Variants in KCNH8 observed in about 807,000 individuals in gnomAD.
KCNH8 encodes the protein potassium voltage-gated channel subfamily H member 8, also known as voltage-gated delayed rectifier potassium channel KCNH8.
A neutral mutation model predicts 103.6 loss-of-function variants in KCNH8; 70 were observed. The ratio of observed to expected loss-of-function variants is 0.68; its 90% CI spans 0.56 to 0.82. KCNH8 has a LOEUF of 0.82. Ranked by LOEUF, KCNH8 falls within the 40% of genes least tolerant of loss-of-function variation. The probability of loss-of-function intolerance (pLI) is 0.00; values close to 1 mark genes in which losing one functional copy is unlikely to be tolerated. For synonymous variants in KCNH8, 498 were observed against 489.4 expected, an observed-to-expected ratio of 1.02 and a Z score of -0.23; for missense variants, 1,217 against 1,329.9, an observed-to-expected ratio of 0.92 and a Z score of 1.32.
chr3:19,252,851 C>G (rs1374396393), intron 1 of KCNH8, among the ~76,000 whole-genome samples: 1 of 152,114 alleles, frequency 6.6e-6, no homozygotes, highest in Non-Finnish European at 1.5e-5. Flanking sequence ...CCAATATCAC[C>G]TAGACTCACC....
At chr3:19,263,470 G>A (rs528572316) in intron 2 of KCNH8, among the ~76,000 whole-genome samples, 4 of 152,056 alleles carry the variant, frequency 2.6e-5, no homozygotes, top group South Asian at 2.1e-4. Context: ...TGTTCAGTGG[G>A]GAAATGCACC....
intron 5 of KCNH8, among the ~76,000 whole-genome samples, chr3:19,357,617 T>C (rs1575553610): frequency 1.3e-5 from 2 of 152,044 alleles, no homozygotes; most frequent in South Asian, 2.1e-4. Context: ...TAAGAAGTGA[T>C]TTGCACATTC....
chr3:19,206,932 G>A (rs2063722729), intron 1 of KCNH8, among the ~76,000 whole-genome samples: 1 of 152,028 alleles, frequency 6.6e-6, no homozygotes, highest in African/African-American at 2.4e-5. Flanking sequence ...ACAAAGACAG[G>A]GAGACTGGAG....
At chr3:19,367,340 C>T (rs2066025499) in intron 5 of KCNH8, among the ~76,000 whole-genome samples, 1 of 149,572 alleles carries the variant, frequency 6.7e-6, no homozygotes. Context: ...TTATTTCCTT[C>T]CTCCATTCTT....
rs749848797 is a variant in KCNH8 at position 19,269,195 on chromosome 3, G to T, written c.311-12003G>T. ...AGATGAAAAAAATAACTTATAACTC[G>T]GACCATCTCAACCCATTGGCAATAT... On this transcript the variant is annotated intron_variant, in intron 2 of 15. Coordinates refer to ENST00000328405, the MANE Select transcript of KCNH8 (RefSeq NM_144633.3). Among the ~76,000 whole-genome samples the T allele has an allele frequency of 2.0e-5, 3 of 151,832 alleles. No individual in the cohort carries two copies. In the South Asian group the frequency reaches 6.3e-4, roughly 32 times the overall value.
At chr3:19,373,716 GATCTTTCCT>G (rs1348326503) in intron 5 of KCNH8, among the ~76,000 whole-genome samples, 2 of 151,162 alleles carry the variant, frequency 1.3e-5, no homozygotes, top group East Asian at 3.9e-4. Flanking sequence ...GTCAATTTTG[GATCTTTCCT>G]GCTTTCTCTT....
At chr3:19,196,303 G>A (rs1253427052) in intron 1 of KCNH8, among the ~76,000 whole-genome samples, 10 of 151,892 alleles carry the variant, frequency 6.6e-5, no homozygotes, top group Non-Finnish European at 1.0e-4. Context: ...AAAGGATTAG[G>A]TACTATTTAG....
chr3:19,347,891 T>C lies in KCNH8; in HGVS notation c.737T>C (p.Ile246Thr), dbSNP rs1388543398. 2 of 1,613,268 alleles carry C rather than the reference T, an allele frequency of 1.2e-6. No individual in the cohort carries two copies. The highest frequency in any genetic ancestry group is 1.3e-5 in the African/African-American group (1 of 74,882). The change falls in exon 5 of 16, where the codon ATT (isoleucine) becomes ACT (threonine). Residue 246 changes from isoleucine to threonine, a missense_variant. Ile to Thr is a moderately conservative substitution (Grantham distance 89). Around this residue, in one of 3 missense-constraint regions of KCNH8, gnomAD observed 415 missense variants for 577.4 expected, o/e 0.72. Coordinates refer to ENST00000328405, the MANE Select transcript of KCNH8 (RefSeq NM_144633.3). ...ACTGTACCTTACAACGTTTGCTTTA[T>C]TGGCAATGACGACCTGTCCACAACT... ...AVTVPYNVCF[I>T]GNDDLSTTRS...
chr3:19,495,597 G>A (rs1293085724), intron 11 of KCNH8, among the ~76,000 whole-genome samples: 2 of 152,072 alleles, frequency 1.3e-5, no homozygotes, highest in East Asian at 3.9e-4. Context: ...CTGCTATTTT[G>A]GTTACTGTAG....
Position 19,253,813 on chromosome 3 carries a change from T to C in KCNH8, c.236T>C (p.Leu79Pro), listed in dbSNP as rs1339159410. The stretch of plus-strand genomic sequence containing the variant: ...TTTGGGGTTGAAACCAATGAGCAAC[T>C]GATGCTTCAAATAGAAAAGTCACTG... ...FLFGVETNEQ[L>P]MLQIEKSLEE... The change falls in exon 2 of 16, where the codon CTG (leucine) becomes CCG (proline). Residue 79 changes from leucine to proline, a missense_variant. Leu to Pro is a moderately conservative substitution (Grantham distance 98). Transcript: ENST00000328405. 1.9e-5 allele frequency: 30 copies of C among 1,613,752 alleles called. No homozygotes were observed. Among genetic ancestry groups the C allele is most frequent in the Non-Finnish European group, 2.5e-5 (29 of 1,179,870 alleles).
At chr3:19,474,263 C>T (rs78037228) in intron 11 of KCNH8, among the ~76,000 whole-genome samples, 1 of 152,126 alleles carries the variant, frequency 6.6e-6, no homozygotes, top group African/African-American at 2.4e-5. Context: ...CCACAAAATT[C>T]CCCAAAAGGG....
intron 3 of KCNH8, among the ~76,000 whole-genome samples, chr3:19,339,550 G>C (rs143582175): frequency 1.3e-5 from 2 of 151,960 alleles, no homozygotes; most frequent in Non-Finnish European, 2.9e-5. Flanking sequence ...TTAACTTTTC[G>C]CAGTAACAAT....
intron 1 of KCNH8, among the ~76,000 whole-genome samples, chr3:19,214,810 C>T (rs879638956): frequency 2.6e-5 from 4 of 152,204 alleles, no homozygotes; most frequent in African/African-American, 4.8e-5. Flanking sequence ...CTCCAAATCT[C>T]GTGCTCTCTA....
Position 19,390,514 on chromosome 3 carries a change from G to A in KCNH8, c.845G>A (p.Ser282Asn). The change falls in exon 6 of 16, where the codon AGC becomes AAC. Residue 282 changes from serine (S) to asparagine (N), a missense_variant. Around this residue, in one of 3 missense-constraint regions of KCNH8, gnomAD observed 415 missense variants for 577.4 expected, o/e 0.72. Coordinates refer to ENST00000328405, the MANE Select transcript of KCNH8 (RefSeq NM_144633.3). ...TTAAATTTCCGAACAACTTATGTCA[G>A]CAAGTCTGGCCAAGTTATCTTTGAA... ...IILNFRTTYVSKSGQVIFEAR... is the reference protein window; with the variant it reads ...IILNFRTTYVNKSGQVIFEAR... The A allele has an allele frequency of 1.2e-6, 2 of 1,612,280 alleles. No homozygotes were observed. Among genetic ancestry groups the A allele is most frequent in the African/African-American group, 2.7e-5 (2 of 74,786 alleles).
chr3:19,451,229 C>T lies in KCNH8; in HGVS notation c.1650C>T (p.Ser550=). 6.2e-7 allele frequency: 1 copy of T among 1,613,884 alleles called. No individual in the cohort carries two copies. The change falls in exon 10 of 16, where the codon TCC becomes TCT. Residue 550 remains serine, a synonymous_variant. Coordinates refer to ENST00000328405, the MANE Select transcript of KCNH8 (RefSeq NM_144633.3). ...MHLNKEILQL[S]LFECASRGCL... is the part of the protein sequence containing the mutation. The stretch of plus-strand genomic sequence containing the variant: ...TGAACAAGGAGATCTTACAGTTGTC[C>T]CTTTTTGAATGTGCCAGCCGGGGCT...
intron 2 of KCNH8, among the ~76,000 whole-genome samples, chr3:19,279,483 T>C (rs1413745633): frequency 6.6e-6 from 1 of 151,922 alleles, no homozygotes; most frequent in East Asian, 1.9e-4. Flanking sequence ...TCCCAGGTCT[T>C]CTAGAGCCTG....
intron 11 of KCNH8, among the ~76,000 whole-genome samples, chr3:19,485,295 T>C (rs1332662549): frequency 2.0e-5 from 3 of 152,194 alleles, no homozygotes; most frequent in African/African-American, 7.2e-5. Flanking sequence ...AACCAGCAAA[T>C]ACTTGTTACC....
rs773009170 is a variant in KCNH8, at chr3:19,395,144, G to A, written c.1010G>A (p.Arg337His). 7 of 1,611,226 alleles carry A rather than the reference G, an allele frequency of 4.3e-6. No homozygotes were observed. The highest frequency in any genetic ancestry group is 1.3e-5 in the African/African-American group (1 of 74,684). The change falls in exon 7 of 16, where the codon CGT becomes CAT. Residue 337 changes from arginine (R) to histidine (H), a missense_variant. Arg to His is a conservative substitution (Grantham distance 29). Around this residue, in one of 3 missense-constraint regions of KCNH8, gnomAD observed 415 missense variants for 577.4 expected, o/e 0.72. Transcript: ENST00000328405. ...CTTCTAAAGACAGTGCGCCTCTTGC[G>A]TCTTTTGCGTCTGCTGCAGAAGTTA... ...VHLLKTVRLL[R>H]LLRLLQKLDR...
At chr3:19,300,255 A>C (rs1290643259) in intron 3 of KCNH8, among the ~76,000 whole-genome samples, 1 of 144,654 alleles carries the variant, frequency 6.9e-6, no homozygotes, top group Admixed American at 6.9e-5. Flanking sequence ...TCTATAAAAA[A>C]AAAAAAGAAA....
Sources: allele counts gnomAD v4.1 joint callset (sites outside exome capture counted in the v4.1 genomes callset), GRCh38; gene constraint gnomAD v4.1.1; regional missense constraint gnomAD v4.1.1; transcripts MANE v1.5; gene names NCBI Gene and HGNC (gene_info 2026-07-23, HGNC 2026-07-21).